Variants in PDE6A observed in about 807,000 individuals in gnomAD.
PDE6A encodes rod cGMP-specific 3',5'-cyclic phosphodiesterase subunit alpha.
Under a neutral mutation model 106.3 loss-of-function variants are expected in PDE6A, and 84 were observed. That is an observed-to-expected ratio of 0.79 (90% CI 0.66 to 0.95). The LOEUF is 0.95. Ranked by LOEUF, PDE6A falls within the 40% of genes least tolerant of loss-of-function variation. The pLI, the probability that PDE6A is intolerant of heterozygous loss-of-function variation, is 0.00. For synonymous variants in PDE6A, 394 were observed against 386.6 expected, an observed-to-expected ratio of 1.02 and a Z score of -0.23; for missense variants, 1,052 against 1,084.9, an observed-to-expected ratio of 0.97 and a Z score of 0.43.
intron 14 of PDE6A, among the ~76,000 whole-genome samples, chr5:149,885,700 G>T (rs1752268665): frequency 6.6e-6 from 1 of 152,206 alleles, no homozygotes; most frequent in African/African-American, 2.4e-5. Context: ...TTCTATGGCT[G>T]CTATAACAAA....
Position 149,903,781 on chromosome 5 carries a change from C to T in PDE6A, c.1066-86G>A, listed in dbSNP as rs980646368. On this transcript the variant is annotated intron_variant, in intron 7 of 21. Transcript: ENST00000255266. ...GCACTGTATACCATTTTCAGAAACA[C>T]CATGTTCTTGTCCAAGGCATTCACA... The T allele has an allele frequency of 5.1e-6, 5 of 982,508 alleles. No homozygotes were observed. The African/African-American group carries it at 6.4e-5, about 13-fold the overall frequency. 60.9% of individuals were successfully genotyped at this position (982,508 alleles called of 1,614,324 possible). A position where few individuals can be genotyped will look rare whatever the true frequency, so the allele number is the denominator to read the frequency against.
intron 13 of PDE6A, among the ~76,000 whole-genome samples, chr5:149,889,175 A>C (rs1454093096): frequency 6.6e-6 from 1 of 151,736 alleles, no homozygotes; most frequent in African/African-American, 2.4e-5. Flanking sequence ...TCAAAAGTAC[A>C]CTGATGCAAA....
chr5:149,882,287 TCTC>T (rs1305479970), intron 17 of PDE6A, among the ~76,000 whole-genome samples: 2 of 151,832 alleles, frequency 1.3e-5, no homozygotes, highest in Non-Finnish European at 2.9e-5. Context: ...GTCCCAGTGG[TCTC>T]CTCTTCTCTG....
chr5:149,925,974 G>A (rs1753854752), intron 4 of PDE6A, among the ~76,000 whole-genome samples: 1 of 152,146 alleles, frequency 6.6e-6, no homozygotes, highest in South Asian at 2.1e-4. Context: ...AGGCATGGTG[G>A]CTCACACCTG....
intron 4 of PDE6A, among the ~76,000 whole-genome samples, chr5:149,928,208 G>GAT (rs1228867964): frequency 2.4e-4 from 14 of 57,732 alleles, no homozygotes; most frequent in African/African-American, 1.1e-3. Context: ...AATTGTATGT[G>GAT]CTATATATAT....
rs1319401142 is a variant in PDE6A at position 149,920,970 on chromosome 5, GAAAGAAAGAAAGAAAGAAAGAA to G, written c.933+643_933+664del. The stretch of plus-strand genomic sequence containing the variant: ...AGAAAGAAAGAAAGAAAGAAAGAAA[GAAAGAAAGAAAGAAAGAAAGAA>G]AGAAAAAGAAAGAAAATAGAAAACC... On this transcript the variant is annotated intron_variant, in intron 5 of 21. Coordinates refer to ENST00000255266, the MANE Select transcript of PDE6A (RefSeq NM_000440.3). Among the ~76,000 whole-genome samples, 589 of 131,056 alleles carry G rather than the reference GAAAGAAAGAAAGAAAGAAAGAA, an allele frequency of 4.5e-3. 8 individuals are homozygous for G. The highest frequency in any genetic ancestry group is 0.022 in the African/African-American group (561 of 25,708). The allele number at this position is 131,056 out of a possible 152,430, so 86.0% of individuals were successfully genotyped here.
At chr5:149,926,056 A>G (rs1753857263) in intron 4 of PDE6A, among the ~76,000 whole-genome samples, 2 of 152,188 alleles carry the variant, frequency 1.3e-5, no homozygotes, top group Admixed American at 1.3e-4. Flanking sequence ...AACCTGGCCA[A>G]TATGGTGAAA....
chr5:149,932,821 C>T (rs999194790), intron 3 of PDE6A, among the ~76,000 whole-genome samples: 1 of 152,148 alleles, frequency 6.6e-6, no homozygotes, highest in Non-Finnish European at 1.5e-5. Flanking sequence ...CTTTTGTCCC[C>T]CTCCGCCCAC....
At chr5:149,926,266 A>G (rs1472092046) in intron 4 of PDE6A, among the ~76,000 whole-genome samples, 5 of 152,212 alleles carry the variant, frequency 3.3e-5, no homozygotes, top group Non-Finnish European at 5.9e-5. Flanking sequence ...ATTAAAAAAA[A>G]CATATATATA....
intron 17 of PDE6A, among the ~76,000 whole-genome samples, chr5:149,881,746 A>G (rs1760931833): frequency 1.3e-5 from 2 of 152,172 alleles, no homozygotes; most frequent in South Asian, 4.1e-4. Flanking sequence ...GTATAATAAA[A>G]GTTGAAATTA....
At chr5:149,930,101 G>A (rs987669809) in intron 4 of PDE6A, among the ~76,000 whole-genome samples, 4 of 152,112 alleles carry the variant, frequency 2.6e-5, no homozygotes, top group Non-Finnish European at 5.9e-5. Flanking sequence ...GAATTCCTAT[G>A]TGCTGACATG....
intron 2 of PDE6A, 68 bp downstream of exon 2, chr5:149,934,498 T>C (rs1754128962): frequency 6.5e-7 from 1 of 1,536,738 alleles, no homozygotes. Flanking sequence ...AACAGCAAAG[T>C]TCAGGGGACT....
At chr5:149,904,405 C>T (rs1385208887) in intron 7 of PDE6A, among the ~76,000 whole-genome samples, 2 of 152,146 alleles carry the variant, frequency 1.3e-5, no homozygotes, top group Non-Finnish European at 2.9e-5. Flanking sequence ...CCAGTTTACC[C>T]TACTGGTAAG....
intron 1 of PDE6A, among the ~76,000 whole-genome samples, chr5:149,942,013 G>A (rs991733859): frequency 2.6e-5 from 4 of 151,974 alleles, no homozygotes; most frequent in African/African-American, 9.7e-5. Context: ...TCAAGCTGGA[G>A]TGCAATGGCG....
At chr5:149,900,304 G>A (rs201698268) in intron 8 of PDE6A, among the ~76,000 whole-genome samples, 1 of 149,076 alleles carries the variant, frequency 6.7e-6, no homozygotes, top group Non-Finnish European at 1.5e-5. Flanking sequence ...AGAGGTTGCA[G>A]TGAGCTGAGA....
Position 149,886,397 on chromosome 5 carries a change from AAT to A in PDE6A, c.1729-25_1729-24del, listed in dbSNP as rs1290701713. 5.1e-6 allele frequency: 8 copies of A among 1,572,796 alleles called. No individual in the cohort carries two copies. The Admixed American group carries it at 8.4e-5, about 16-fold the overall frequency. ...CGTCTGGAAGGGCAATCAGAGTGCA[AAT>A]CATTCCTTTTGTGTAGGGGCTGGAA... is the stretch of plus-strand genomic sequence containing the variant. On this transcript the variant is annotated intron_variant, in intron 13 of 21. Coordinates refer to ENST00000255266, the MANE Select transcript of PDE6A (RefSeq NM_000440.3).
intron 7 of PDE6A, among the ~76,000 whole-genome samples, chr5:149,903,979 A>G (rs1753084351): frequency 6.6e-6 from 1 of 152,216 alleles, no homozygotes; most frequent in South Asian, 2.1e-4. Flanking sequence ...GCTGGAGGGT[A>G]TCCCATTTTG....
At position 149,944,342 on chromosome 5, in the gene PDE6A, C is replaced by T. The variant is rs532062520; in HGVS notation, c.332G>A (p.Arg111Lys). ...TRNGIAELATRLFNVHKDAVL... is the reference protein window; with the variant it reads ...TRNGIAELATKLFNVHKDAVL... Reference sequence around the variant, plus strand: ...AGCATCCTTGTGGACATTGAAAAGCCTGGTGGCCAGCTCTGCGATGCCATT... The same window carrying T: ...AGCATCCTTGTGGACATTGAAAAGCTTGGTGGCCAGCTCTGCGATGCCATT... Residue 111 changes from arginine to lysine, a missense_variant, in exon 1 of 22, where the codon AGG becomes AAG. Physicochemically the swap from Arg to Lys is conservative, Grantham distance 26 (BLOSUM62 2). Around this residue, in one of 3 missense-constraint regions of PDE6A, gnomAD observed 913 missense variants for 915.2 expected, o/e 1.00. Coordinates refer to ENST00000255266, the MANE Select transcript of PDE6A (RefSeq NM_000440.3). 2.2e-5 allele frequency: 35 copies of T among 1,614,122 alleles called. No individual in the cohort carries two copies. The East Asian group carries it at 7.6e-4, about 35-fold the overall frequency.
At chr5:149,938,777 T>C (rs554296458) in intron 1 of PDE6A, among the ~76,000 whole-genome samples, 1 of 152,340 alleles carries the variant, frequency 6.6e-6, no homozygotes, top group Non-Finnish European at 1.5e-5. Flanking sequence ...TCTTATATTT[T>C]TTCTGGCAGT....
Sources: allele counts gnomAD v4.1 joint callset (sites outside exome capture counted in the v4.1 genomes callset), GRCh38; gene constraint gnomAD v4.1.1; regional missense constraint gnomAD v4.1.1; transcripts MANE v1.5; gene names NCBI Gene and HGNC (gene_info 2026-07-23, HGNC 2026-07-21).